SHROOM3: variants seen among roughly 807,000 people sequenced by gnomAD.
SHROOM3 encodes the protein protein Shroom3.
SHROOM3 carries 47 observed loss-of-function variants against 138.6 expected under a neutral mutation model. The ratio of observed to expected loss-of-function variants is 0.34; its 90% CI spans 0.27 to 0.43. The LOEUF (loss-of-function observed/expected upper bound fraction) is 0.43. Among genes scored for constraint, SHROOM3 ranks in the 20% least tolerant of loss-of-function variants. The pLI is 1.00. For missense variants in SHROOM3, 2,491 were observed against 2,596.5 expected, an observed-to-expected ratio of 0.96 and a Z score of 0.88; for synonymous variants, 1,062 against 1,063.3, an observed-to-expected ratio of 1.00 and a Z score of 0.02.
intron 2 of SHROOM3, among the ~76,000 whole-genome samples, chr4:76,693,264 G>C (rs939492178): frequency 1.3e-5 from 2 of 148,400 alleles, no homozygotes; most frequent in Non-Finnish European, 3.0e-5. Context: ...TGATGAAAAA[G>C]TATTTACACT....
rs537628035 is a variant in SHROOM3 at position 76,749,933 on chromosome 4, C to T, written c.3827+843C>T. Among the ~76,000 whole-genome samples the T allele has an allele frequency of 3.9e-4, 59 of 152,308 alleles. No individual in the cohort carries two copies. In the East Asian group the frequency reaches 4.0e-3, roughly 10 times the overall value. On this transcript the variant is annotated intron_variant, in intron 6 of 10. Coordinates refer to ENST00000296043, the MANE Select transcript of SHROOM3 (RefSeq NM_020859.4). Reference sequence around the variant, plus strand: ...ATTATTACTAATGATAATACACCTACACCCTACCTACTCCTTTCTACGTTT... The same window carrying T: ...ATTATTACTAATGATAATACACCTATACCCTACCTACTCCTTTCTACGTTT...
At chr4:76,436,304 A>G in intron 1 of SHROOM3, 84 bp downstream of exon 1, 1 of 1,470,060 alleles carries the variant, frequency 6.8e-7, no homozygotes, top group Admixed American at 1.7e-5. Flanking sequence ...AATAATGAGA[A>G]CTGCCTTAAT....
chr4:76,491,621 T>C (rs914551606), intron 1 of SHROOM3, among the ~76,000 whole-genome samples: 1 of 152,152 alleles, frequency 6.6e-6, no homozygotes, highest in African/African-American at 2.4e-5. Flanking sequence ...GCTGCAGCCA[T>C]TTTGCAGTCT....
chr4:76,555,667 T>C lies in SHROOM3; in HGVS notation c.227T>C (p.Val76Ala), dbSNP rs375262707. The C allele has an allele frequency of 5.6e-6, 9 of 1,613,800 alleles. No individual in the cohort carries two copies. Among genetic ancestry groups the C allele is most frequent in the South Asian group, 4.4e-5 (4 of 91,076 alleles). Residue 76 changes from valine (V) to alanine (A), a missense_variant, in exon 2 of 11, where the codon GTT (valine) becomes GCT (alanine). This residue lies in a region of SHROOM3 where 284 missense variants were observed against 322.8 expected (regional missense o/e 0.88). Transcript: ENST00000296043. ...TCCAAACTGCAGGCTGGGGATGAGG[T>C]TGTGCACATCAATGAGGTGACTCTG... ...LSSKLQAGDE[V>A]VHINEVTLSS...
rs76713640 is a variant in SHROOM3 at position 76,577,159 on chromosome 4, C to T, written c.323+21396C>T. ...GACTCTAGCGTTCCAAAAGGGTAATCGGTGTCAGTGTGTCTGTTGAGATAA... is the reference window on the plus strand; with the variant it reads ...GACTCTAGCGTTCCAAAAGGGTAATTGGTGTCAGTGTGTCTGTTGAGATAA... On this transcript the variant is annotated intron_variant, in intron 2 of 10. Transcript: ENST00000296043. Among the ~76,000 whole-genome samples, 639 of 152,238 alleles carry T rather than the reference C, an allele frequency of 4.2e-3. 9 individuals carry two copies. The highest frequency in any genetic ancestry group is 0.015 in the African/African-American group (610 of 41,550).
chr4:76,743,628 C>G (rs1051390132), intron 5 of SHROOM3, among the ~76,000 whole-genome samples: 8 of 152,192 alleles, frequency 5.3e-5, no homozygotes, highest in Non-Finnish European at 8.8e-5. Flanking sequence ...ACAATAGATA[C>G]TAGTGATGGA....
chr4:76,555,568 G>A (rs1488857536), intron 1 of SHROOM3, 41 bp from the exon 2 acceptor site: 3 of 1,611,344 alleles, frequency 1.9e-6, no homozygotes, highest in African/African-American at 1.3e-5. Flanking sequence ...CAGGCCAGGG[G>A]AAAGCTCACT....
chr4:76,624,691 G>A (rs1377541841), intron 2 of SHROOM3, among the ~76,000 whole-genome samples: 1 of 152,156 alleles, frequency 6.6e-6, no homozygotes, highest in African/African-American at 2.4e-5. Flanking sequence ...AAATTATAAA[G>A]AGGTGTCTGA....
chr4:76,536,444 A>C (rs1205986393), intron 1 of SHROOM3, among the ~76,000 whole-genome samples: 1 of 152,194 alleles, frequency 6.6e-6, no homozygotes, highest in Non-Finnish European at 1.5e-5. Flanking sequence ...TGTAATAGGC[A>C]TTCATTCCCA....
intron 6 of SHROOM3, among the ~76,000 whole-genome samples, chr4:76,751,219 G>A (rs952807940): frequency 3.3e-5 from 5 of 152,144 alleles, no homozygotes; most frequent in East Asian, 1.9e-4. Context: ...ATCATAGTAC[G>A]AAGACAAGAG....
At chr4:76,442,347 T>TATGTAA (rs1184400844) in intron 1 of SHROOM3, among the ~76,000 whole-genome samples, 1 of 151,886 alleles carries the variant, frequency 6.6e-6, no homozygotes, top group African/African-American at 2.4e-5. Flanking sequence ...TATCTGTGTG[T>TATGTAA]ATGTAAAGCC....
At chr4:76,500,895 C>T (rs1299453349) in intron 1 of SHROOM3, among the ~76,000 whole-genome samples, 1 of 152,120 alleles carries the variant, frequency 6.6e-6, no homozygotes, top group African/African-American at 2.4e-5. Context: ...TAACTTCAAA[C>T]TCCTTGGCTC....
At chr4:76,652,493 A>G (rs940756728) in intron 2 of SHROOM3, among the ~76,000 whole-genome samples, 5 of 152,220 alleles carry the variant, frequency 3.3e-5, no homozygotes, top group African/African-American at 1.2e-4. Context: ...AGAATTGCCC[A>G]GTATAAACAT....
At chr4:76,544,434 T>TTG (rs1579225589) in intron 1 of SHROOM3, among the ~76,000 whole-genome samples, 1 of 143,464 alleles carries the variant, frequency 7.0e-6, no homozygotes, top group Non-Finnish European at 1.5e-5. Context: ...TTTTTTTTTT[T>TTG]GATGCAGAGT....
intron 1 of SHROOM3, among the ~76,000 whole-genome samples, chr4:76,541,599 GA>G (rs1252220406): frequency 6.7e-6 from 1 of 149,426 alleles, no homozygotes; most frequent in Non-Finnish European, 1.5e-5. Flanking sequence ...CACTTTCTGA[GA>G]AGGCCGGGAT....
In SHROOM3 at chr4:76,770,703, G is replaced by C; in HGVS notation, c.5427G>C (p.Lys1809Asn). 1 of 1,614,208 alleles carries C rather than the reference G, an allele frequency of 6.2e-7. No homozygotes were observed. The highest frequency in any genetic ancestry group is 8.5e-7 in the Non-Finnish European group (1 of 1,180,048). ...AGGGGAGCCTGCTCACGGACATCAA[G>C]CTCAACAACGCCCTGGGAGAAGAGG... ...EAKGSLLTDI[K>N]LNNALGEEVE... Residue 1809 changes from lysine (K) to asparagine (N), a missense_variant, in exon 10 of 11, where the codon AAG becomes AAC. By Grantham distance (94) the Lys-to-Asn change is moderately conservative (BLOSUM62 0). Transcript: ENST00000296043.
intron 2 of SHROOM3, among the ~76,000 whole-genome samples, chr4:76,646,282 G>A (rs999488467): frequency 6.8e-6 from 1 of 146,884 alleles, no homozygotes; most frequent in Non-Finnish European, 1.5e-5. Flanking sequence ...AATTGCAACA[G>A]TGTTCTTCTT....
intron 2 of SHROOM3, among the ~76,000 whole-genome samples, chr4:76,669,957 C>G (rs1033717866): frequency 1.4e-4 from 21 of 152,238 alleles, no homozygotes; most frequent in Non-Finnish European, 2.8e-4. Flanking sequence ...CTGAGGTAAT[C>G]TTTCTCATCA....
At chr4:76,685,130 A>G (rs1275780131) in intron 2 of SHROOM3, among the ~76,000 whole-genome samples, 1 of 152,208 alleles carries the variant, frequency 6.6e-6, no homozygotes. Context: ...CTAAGCAAAC[A>G]ATCTATGTTT....
Sources: gnomAD v4.1 joint callset for allele counts (sites outside exome capture counted in the v4.1 genomes callset) on GRCh38, gnomAD v4.1.1 for gene constraint, gnomAD v4.1.1 regional missense constraint, MANE v1.5 for transcripts, NCBI Gene and HGNC (gene_info 2026-07-23, HGNC 2026-07-21) for gene names.